The following SARDH variants were observed in gnomAD, a reference collection of about 807,000 sequenced individuals.
The protein encoded by SARDH is sarcosine dehydrogenase, mitochondrial.
SARDH carries 95 observed loss-of-function variants against 109.1 expected under a neutral mutation model. The ratio of observed to expected loss-of-function variants is 0.87; its 90% CI spans 0.74 to 1.03. The LOEUF (loss-of-function observed/expected upper bound fraction) is 1.03. Ranked by LOEUF, SARDH falls within the 50% of genes least tolerant of loss-of-function variation. The pLI is 0.00. For missense variants in SARDH, 1,267 were observed against 1,287.8 expected (o/e 0.98, Z 0.25); for synonymous variants, 572 against 534.8 (o/e 1.07, Z -0.96).
In SARDH at chr9:133,713,078, C is replaced by G. The variant is rs746488113; in HGVS notation, c.1197G>C (p.Glu399Asp). The G allele has an allele frequency of 1.2e-4, 189 of 1,613,266 alleles. No homozygotes were observed. The highest frequency in any genetic ancestry group is 1.5e-4 in the Non-Finnish European group (180 of 1,179,934). The stretch of plus-strand genomic sequence containing the variant: ...CACAGCCCAGGAAGAACCCTCGGAG[C>G]TCAGGTGCCTCCCCCATCAGGGGCT... ...DHKPLMGEAP[E>D]LRGFFLGCGF... Residue 399 changes from glutamate (E) to aspartate (D), a missense_variant, in exon 9 of 21, where the codon GAG (glutamate) becomes GAC (aspartate). Coordinates refer to ENST00000439388, the MANE Select transcript of SARDH (RefSeq NM_001134707.2).
intron 19 of SARDH, 174 bp from the exon 20 acceptor site, chr9:133,667,044 C>T (rs2131315189): frequency 2.6e-6 from 2 of 779,232 alleles, no homozygotes; most frequent in East Asian, 2.7e-5. Context: ...CAGCACCTGG[C>T]CTGGACAGCA....
rs370722523 is a variant in SARDH at position 133,682,940 on chromosome 9, T to G, written c.2163+2253A>C. On this transcript the variant is annotated intron_variant, in intron 17 of 20. Coordinates refer to ENST00000439388, the MANE Select transcript of SARDH (RefSeq NM_001134707.2). ...TTGGAAACCGAGCAATGAGCAGTAT[T>G]TTATGCAGCCGTGATGTGCTTTTTA... Among the ~76,000 whole-genome samples the G allele has an allele frequency of 1.1e-4, 16 of 152,296 alleles. No individual in the cohort carries two copies. The South Asian group carries it at 1.9e-3, about 18-fold the overall frequency.
At chr9:133,669,881 G>A (rs927757936) in intron 19 of SARDH, among the ~76,000 whole-genome samples, 1 of 152,238 alleles carries the variant, frequency 6.6e-6, no homozygotes, top group African/African-American at 2.4e-5. Flanking sequence ...CCCTCCCAAG[G>A]CCCTCGGCCT....
intron 6 of SARDH, among the ~76,000 whole-genome samples, chr9:133,727,243 A>G (rs1047775612): frequency 3.9e-5 from 6 of 152,190 alleles, no homozygotes; most frequent in African/African-American, 1.4e-4. Context: ...AGATCCTCAG[A>G]AAAGGGAGGT....
chr9:133,683,328 G>A (rs957665370), intron 17 of SARDH, among the ~76,000 whole-genome samples: 2 of 152,220 alleles, frequency 1.3e-5, no homozygotes, highest in South Asian at 4.1e-4. Flanking sequence ...GAGGGGACGT[G>A]TTCCCACCTG....
rs562728425 is a variant in SARDH, at chr9:133,676,109, C to A, written c.2164-4412G>T. Among the ~76,000 whole-genome samples, 39 of 149,218 alleles carry A rather than the reference C, an allele frequency of 2.6e-4. No individual in the cohort carries two copies. The South Asian group carries it at 6.8e-3, about 26-fold the overall frequency. The stretch of plus-strand genomic sequence containing the variant: ...CTGTCTGAAATTAAAAAAAAAAACA[C>A]ACACCAAAAACAGATGATGAACAGA... On this transcript the variant is annotated intron_variant, in intron 17 of 20. Coordinates refer to ENST00000439388, the MANE Select transcript of SARDH (RefSeq NM_001134707.2).
At chr9:133,659,492 G>T (rs1019427033), downstream of SARDH, 1 of 152,280 alleles carries the variant, frequency 6.6e-6, no homozygotes, top group Non-Finnish European at 1.5e-5. Flanking sequence ...CCTGCCCTCT[G>T]AGCTGCCTCT....
intron 17 of SARDH, among the ~76,000 whole-genome samples, chr9:133,678,343 A>G (rs1830586634): frequency 6.6e-6 from 1 of 152,204 alleles, no homozygotes; most frequent in Non-Finnish European, 1.5e-5. Context: ...CCTCTGGTGC[A>G]GCCCAAATCT....
At chr9:133,698,113 A>G (rs1005693074) in intron 13 of SARDH, among the ~76,000 whole-genome samples, 1 of 152,028 alleles carries the variant, frequency 6.6e-6, no homozygotes, top group Non-Finnish European at 1.5e-5. Context: ...ACAAAAAACT[A>G]TTGTATTTCT....
downstream of SARDH, among the ~76,000 whole-genome samples, chr9:133,661,988 C>A (rs1832424242): frequency 6.6e-6 from 1 of 152,124 alleles, no homozygotes. Flanking sequence ...CACTTGGGAG[C>A]CATGGCGGGG....
At chr9:133,663,013 A>T (rs1829935806), downstream of SARDH, among the ~76,000 whole-genome samples, 1 of 152,194 alleles carries the variant, frequency 6.6e-6, no homozygotes, top group African/African-American at 2.4e-5. Flanking sequence ...TGCAGGGCAG[A>T]GCCTAAGAGA....
intron 16 of SARDH, among the ~76,000 whole-genome samples, chr9:133,687,014 C>T (rs1038705180): frequency 2.6e-5 from 4 of 152,192 alleles, no homozygotes; most frequent in African/African-American, 9.7e-5. Context: ...GCTATGGGCT[C>T]AGCAACCTCA....
rs572643003 is a variant in SARDH, at chr9:133,730,261, C to A, written c.691-74G>T. 13 of 1,575,612 alleles carry A rather than the reference C, an allele frequency of 8.3e-6. No homozygotes were observed. The African/African-American group carries it at 1.1e-4, about 13-fold the overall frequency. On this transcript the variant is annotated intron_variant, in intron 4 of 20. Coordinates refer to ENST00000439388, the MANE Select transcript of SARDH (RefSeq NM_001134707.2). ...GTGCTTCCCACCCCACTCCAACCAA[C>A]CCCTCCTCCCAGAGGGGAGCTGGGG...
At chr9:133,690,826 C>T (rs1431104405) in intron 15 of SARDH, among the ~76,000 whole-genome samples, 1 of 152,192 alleles carries the variant, frequency 6.6e-6, no homozygotes, top group African/African-American at 2.4e-5. Flanking sequence ...CTTGGGAACA[C>T]ACAGGCCTAG....
At chr9:133,672,534 C>T (rs1830385872) in intron 17 of SARDH, among the ~76,000 whole-genome samples, 1 of 152,200 alleles carries the variant, frequency 6.6e-6, no homozygotes, top group South Asian at 2.1e-4. Context: ...GGCAGCAGCC[C>T]AGCTCAGGGG....
intron 6 of SARDH, among the ~76,000 whole-genome samples, chr9:133,720,099 G>T (rs1832274492): frequency 6.8e-6 from 1 of 146,456 alleles, no homozygotes; most frequent in Admixed American, 6.8e-5. Context: ...GACAGAGCAA[G>T]ACTCCGTCTC....
chr9:133,723,818 C>A (rs1832403569), intron 6 of SARDH, among the ~76,000 whole-genome samples: 1 of 152,108 alleles, frequency 6.6e-6, no homozygotes, highest in Non-Finnish European at 1.5e-5. Flanking sequence ...TGATTTTCAG[C>A]AAGGGTGCTA....
chr9:133,708,385 C>T lies in SARDH; in HGVS notation c.1372G>A (p.Glu458Lys), dbSNP rs1469242445. ...SLTDHPRWIR[E>K]RSHESYAKNY... ...TTGGCGTAGGACTCATGGCTTCGCT[C>T]TCGGATCCAGCGGGGGTGGTCCGTG... Residue 458 changes from glutamate (E) to lysine (K), a missense_variant, in exon 11 of 21, where the codon GAG becomes AAG. By Grantham distance (56) the Glu-to-Lys change is moderately conservative. Coordinates refer to ENST00000439388, the MANE Select transcript of SARDH (RefSeq NM_001134707.2). 6.2e-7 allele frequency: 1 copy of T among 1,612,862 alleles called. No homozygotes were observed. Among genetic ancestry groups the T allele is most frequent in the Admixed American group, 1.7e-5 (1 of 59,994 alleles).
chr9:133,734,268 C>T (rs2131516206), intron 1 of SARDH, 65 bp from the exon 2 acceptor site: 1 of 1,187,384 alleles, frequency 8.4e-7, no homozygotes, highest in Admixed American at 3.1e-5. Context: ...GCTGAGTACC[C>T]AGGGAAATAA....
Sources: allele counts gnomAD v4.1 joint callset (sites outside exome capture counted in the v4.1 genomes callset), GRCh38; gene constraint gnomAD v4.1.1; transcripts MANE v1.5; gene names NCBI Gene and HGNC (gene_info 2026-07-23, HGNC 2026-07-21).